The following PIK3C2G variants were observed in gnomAD, a reference collection of about 807,000 sequenced individuals.
PIK3C2G encodes phosphatidylinositol-4-phosphate 3-kinase catalytic subunit type 2 gamma, also known as phosphatidylinositol 3-kinase C2 domain-containing subunit gamma.
In PIK3C2G, 168 loss-of-function variants were observed where a neutral mutation model predicts 181.1. The observed-to-expected ratio is 0.93, with a 90% CI of 0.82 to 1.05. The LOEUF (loss-of-function observed/expected upper bound fraction) is 1.05, where lower values mean the gene tolerates loss of function less well. PIK3C2G is among the 50% of genes least tolerant of loss of function. The pLI is 0.00. For missense variants in PIK3C2G, 1,869 were observed against 1,732.8 expected, an observed-to-expected ratio of 1.08 and a Z score of -1.40; for synonymous variants, 573 against 592.2, an observed-to-expected ratio of 0.97 and a Z score of 0.47.
the PIK3C2G span, among the ~76,000 whole-genome samples, chr12:18,700,935 CG>C: frequency 6.6e-6 from 1 of 151,878 alleles, no homozygotes; most frequent in Non-Finnish European, 1.5e-5. Context: ...TTTTGCACTT[CG>C]CACAAAGCCT....
In PIK3C2G at chr12:18,593,415, T is replaced by C. The variant is rs1411438740; in HGVS notation, c.4012-1079T>C. On this transcript the variant is annotated intron_variant, in intron 29 of 32. Coordinates refer to ENST00000538779, the MANE Select transcript of PIK3C2G (RefSeq NM_001288772.2). ...CATCTGCCTTTTATTTTCTTGGAAGTAGAGACAGTCATTAGCAGAGAAGGA... is the reference window on the plus strand; with the variant it reads ...CATCTGCCTTTTATTTTCTTGGAAGCAGAGACAGTCATTAGCAGAGAAGGA... Among the ~76,000 whole-genome samples, 5 of 151,816 alleles carry C rather than the reference T, an allele frequency of 3.3e-5. No individual in the cohort carries two copies. In the South Asian group the frequency reaches 6.2e-4, roughly 19 times the overall value.
At chr12:18,582,881 C>T (rs1217416775) in intron 29 of PIK3C2G, among the ~76,000 whole-genome samples, 1 of 151,874 alleles carries the variant, frequency 6.6e-6, no homozygotes, top group South Asian at 2.1e-4. Context: ...TATCACCAGC[C>T]ACTCTCACCC....
At chr12:18,365,943 T>G (rs763245240) in intron 12 of PIK3C2G, among the ~76,000 whole-genome samples, 1 of 152,212 alleles carries the variant, frequency 6.6e-6, no homozygotes, top group African/African-American at 2.4e-5. Context: ...AAAATCTTAA[T>G]GGCTCTCTTC....
intron 18 of PIK3C2G, among the ~76,000 whole-genome samples, chr12:18,468,919 G>A (rs1304497799): frequency 6.6e-6 from 1 of 152,028 alleles, no homozygotes. Flanking sequence ...GCTTAATTTT[G>A]TTGGTTAATG....
the PIK3C2G span, among the ~76,000 whole-genome samples, chr12:18,674,002 G>A: frequency 6.6e-6 from 1 of 152,140 alleles, no homozygotes; most frequent in Admixed American, 6.6e-5. Flanking sequence ...TTGGATAAAA[G>A]CAGATTGTTT....
At chr12:18,545,992 T>C (rs1004401825) in intron 25 of PIK3C2G, among the ~76,000 whole-genome samples, 3 of 151,934 alleles carry the variant, frequency 2.0e-5, no homozygotes, top group Non-Finnish European at 4.4e-5. Flanking sequence ...ATCACATAGA[T>C]TTTAAATGAT....
intron 32 of PIK3C2G, among the ~76,000 whole-genome samples, chr12:18,644,233 G>T (rs940776700): frequency 1.3e-5 from 2 of 152,044 alleles, no homozygotes; most frequent in Non-Finnish European, 2.9e-5. Flanking sequence ...GGCATGGCTG[G>T]TCTCAAGATG....
chr12:18,602,152 C>A (rs545426159), intron 30 of PIK3C2G, among the ~76,000 whole-genome samples: 7 of 152,028 alleles, frequency 4.6e-5, no homozygotes, highest in Non-Finnish European at 8.8e-5. Context: ...ACTTTTCGAG[C>A]CTGACTCGCC....
the PIK3C2G span, among the ~76,000 whole-genome samples, chr12:18,664,470 G>A: frequency 0.52 from 78,536 of 151,946 alleles, 21,409 homozygotes; most frequent in South Asian, 0.66. Context: ...ATATACTACA[G>A]CATGGATGAA....
intron 30 of PIK3C2G, among the ~76,000 whole-genome samples, chr12:18,605,986 A>G (rs540849512): frequency 6.6e-6 from 1 of 152,280 alleles, no homozygotes; most frequent in African/African-American, 2.4e-5. Context: ...TGATGATTGA[A>G]TGCGTTACTG....
At chr12:18,697,506 ACATAATATGATTT>A in the PIK3C2G span, among the ~76,000 whole-genome samples, 1 of 152,252 alleles carries the variant, frequency 6.6e-6, no homozygotes, top group East Asian at 1.9e-4. Context: ...AGGTCTCATA[ACATAATATGATTT>A]TGTTATTTCT....
chr12:18,255,099 C>A (rs1362279779), intron 1 of PIK3C2G, among the ~76,000 whole-genome samples: 1 of 151,550 alleles, frequency 6.6e-6, no homozygotes, highest in East Asian at 2.0e-4. Flanking sequence ...ACATGCCTGA[C>A]CAGCTACTTG....
chr12:18,381,160 C>T (rs1030461564), intron 13 of PIK3C2G, among the ~76,000 whole-genome samples: 4 of 152,156 alleles, frequency 2.6e-5, no homozygotes, highest in Non-Finnish European at 5.9e-5. Flanking sequence ...TGTATGCACT[C>T]TCATTTACTA....
At chr12:18,477,084 C>T (rs959864218) in intron 18 of PIK3C2G, among the ~76,000 whole-genome samples, 2 of 152,060 alleles carry the variant, frequency 1.3e-5, no homozygotes, top group Admixed American at 6.6e-5. Flanking sequence ...CTCACATGGC[C>T]TTTCTCTGTG....
At chr12:18,437,360 A>G (rs1199008357) in intron 18 of PIK3C2G, among the ~76,000 whole-genome samples, 2 of 151,994 alleles carry the variant, frequency 1.3e-5, no homozygotes, top group East Asian at 3.8e-4. Flanking sequence ...CAAAACCAAG[A>G]CTTGGATATT....
intron 9 of PIK3C2G, among the ~76,000 whole-genome samples, chr12:18,342,163 A>G (rs1345052565): frequency 1.3e-5 from 2 of 152,248 alleles, no homozygotes; most frequent in Non-Finnish European, 2.9e-5. Flanking sequence ...ATTTTAGTTA[A>G]ATCAGTCTAA....
intron 32 of PIK3C2G, among the ~76,000 whole-genome samples, chr12:18,647,623 G>A (rs1364381825): frequency 2.0e-5 from 3 of 151,876 alleles, no homozygotes; most frequent in Non-Finnish European, 4.4e-5. Context: ...GCTAAATATA[G>A]AGTGGGTAAT....
At chr12:18,694,741 AT>A in the PIK3C2G span, among the ~76,000 whole-genome samples, 1 of 152,172 alleles carries the variant, frequency 6.6e-6, no homozygotes, top group Non-Finnish European at 1.5e-5. Context: ...ACAGGAAGAC[AT>A]TTTTCAGATA....
intron 31 of PIK3C2G, among the ~76,000 whole-genome samples, chr12:18,637,701 G>A (rs1196412398): frequency 6.6e-6 from 1 of 152,208 alleles, no homozygotes; most frequent in African/African-American, 2.4e-5. Context: ...AGTGATCACA[G>A]AGCTTTTCAA....
Sources: allele counts gnomAD v4.1 joint callset (sites outside exome capture counted in the v4.1 genomes callset), GRCh38; gene constraint gnomAD v4.1.1; transcripts MANE v1.5; gene names NCBI Gene and HGNC (gene_info 2026-07-23, HGNC 2026-07-21).